CPNE8: variants seen among roughly 807,000 people sequenced by gnomAD.
CPNE8 encodes copine 8.
In CPNE8, 45 loss-of-function variants were observed where a neutral mutation model predicts 81.5. The observed-to-expected ratio is 0.55, with a 90% confidence interval of 0.44 to 0.71. The LOEUF (loss-of-function observed/expected upper bound fraction) is 0.71. Ranked by LOEUF, CPNE8 falls within the 30% of genes least tolerant of loss-of-function variation. The pLI is 0.00. For synonymous variants in CPNE8, 252 were observed against 226.3 expected (o/e 1.11, Z -1.02); for missense variants, 594 against 672.1 (o/e 0.88, Z 1.28).
In CPNE8 at chr12:38,736,213, GTA is replaced by G. The variant is rs1407858927; in HGVS notation, c.723-5857_723-5856del. On this transcript the variant is annotated intron_variant, in intron 10 of 19. Coordinates refer to ENST00000331366, the MANE Select transcript of CPNE8 (RefSeq NM_153634.3). ...AATAAGTTCTATTGCCCTGCTGGGT[GTA>G]TATATGTGTGTGTGTGTGTTGTGTG... 3.9e-4 allele frequency among the ~76,000 whole-genome samples: 41 copies of G among 104,208 alleles called. 1 individual carries two copies. Among genetic ancestry groups the G allele is most frequent in the Middle Eastern group, 5.4e-3 (1 of 184 alleles). 68.4% of individuals were successfully genotyped at this position (104,208 alleles called of 152,430 possible). A position where few individuals can be genotyped will look rare whatever the true frequency, so the allele number is the denominator to read the frequency against.
chr12:38,882,312 T>C (rs910820804), intron 1 of CPNE8, among the ~76,000 whole-genome samples: 2 of 151,970 alleles, frequency 1.3e-5, no homozygotes, highest in Non-Finnish European at 2.9e-5. Context: ...AGTGATGCAG[T>C]CACAAGCCAA....
intron 6 of CPNE8, among the ~76,000 whole-genome samples, chr12:38,822,664 C>G (rs1943125672): frequency 6.6e-6 from 1 of 152,110 alleles, no homozygotes; most frequent in Non-Finnish European, 1.5e-5. Context: ...TTGTAACACC[C>G]AGGTCTGACT....
intron 6 of CPNE8, among the ~76,000 whole-genome samples, chr12:38,776,785 C>T (rs1334895920): frequency 6.6e-6 from 1 of 152,046 alleles, no homozygotes; most frequent in African/African-American, 2.4e-5. Flanking sequence ...GGCCCCATAA[C>T]ATTATAATGG....
chr12:38,774,141 A>G (rs372512294), intron 7 of CPNE8, among the ~76,000 whole-genome samples: 11 of 152,106 alleles, frequency 7.2e-5, no homozygotes, highest in African/African-American at 2.4e-4. Flanking sequence ...CCAACAAGAG[A>G]GTAGAACTGA....
chr12:38,902,381 A>AAAAG lies in CPNE8; in HGVS notation c.98+3052_98+3055dup, dbSNP rs1435832986. ...GAAAGAAAGAAAGAAAGAAAGAAAG[A>AAAAG]AAAGAAAGAAAGAGAAAGAAAGAAA... On this transcript the variant is annotated intron_variant, in intron 1 of 19. Transcript: ENST00000331366. Among the ~76,000 whole-genome samples, 3 of 57,782 alleles carry AAAAG rather than the reference A, an allele frequency of 5.2e-5. 1 individual carries two copies. The Admixed American group carries it at 5.5e-4, about 11-fold the overall frequency. The allele number at this position is 57,782 out of a possible 152,430, so 37.9% of individuals were successfully genotyped here.
At chr12:38,885,639 T>G (rs1461925822) in intron 1 of CPNE8, among the ~76,000 whole-genome samples, 2 of 152,136 alleles carry the variant, frequency 1.3e-5, no homozygotes, top group Non-Finnish European at 2.9e-5. Context: ...TTTCAATCTT[T>G]TTTTTTTAAC....
chr12:38,892,986 T>A (rs1944335892), intron 1 of CPNE8, among the ~76,000 whole-genome samples: 1 of 151,576 alleles, frequency 6.6e-6, no homozygotes, highest in African/African-American at 2.4e-5. Flanking sequence ...GTGTTAGAAA[T>A]AATCTAACAT....
intron 6 of CPNE8, among the ~76,000 whole-genome samples, chr12:38,798,347 T>A (rs1253963157): frequency 2.0e-5 from 3 of 152,060 alleles, no homozygotes; most frequent in Non-Finnish European, 4.4e-5. Context: ...TAACAGCTGA[T>A]CTCTCCGCAG....
intron 6 of CPNE8, among the ~76,000 whole-genome samples, chr12:38,806,717 A>C (rs531891226): frequency 7.2e-6 from 1 of 139,602 alleles, no homozygotes. Flanking sequence ...CTCTCTCACC[A>C]CTCCTATTCA....
chr12:38,893,366 A>T (rs1272489000), intron 1 of CPNE8, among the ~76,000 whole-genome samples: 1 of 152,150 alleles, frequency 6.6e-6, no homozygotes, highest in Non-Finnish European at 1.5e-5. Flanking sequence ...GCCCACCAAA[A>T]CCAATATGAC....
chr12:38,768,046 T>C (rs1316114503), intron 7 of CPNE8, among the ~76,000 whole-genome samples: 4 of 152,040 alleles, frequency 2.6e-5, no homozygotes, highest in Non-Finnish European at 5.9e-5. Context: ...TCCTCATTCA[T>C]ATCTTCAGTT....
chr12:38,767,562 T>A, intron 8 of CPNE8, 73 bp downstream of exon 8: 1 of 918,176 alleles, frequency 1.1e-6, no homozygotes, highest in Non-Finnish European at 1.6e-6. Flanking sequence ...TTAATGAGCT[T>A]CTCTGAGAAA....
chr12:38,695,575 G>C (rs892083833), intron 14 of CPNE8, among the ~76,000 whole-genome samples: 2 of 152,108 alleles, frequency 1.3e-5, no homozygotes, highest in East Asian at 1.9e-4. Flanking sequence ...TTTGACACTT[G>C]CTTCTAAAGT....
intron 6 of CPNE8, among the ~76,000 whole-genome samples, chr12:38,805,405 G>C (rs1364070340): frequency 2.1e-5 from 1 of 47,222 alleles, no homozygotes; most frequent in African/African-American, 7.5e-5. Context: ...GTAAACTATC[G>C]CAAGAACAAA....
chr12:38,757,725 TAAA>T (rs1941489173), intron 10 of CPNE8, among the ~76,000 whole-genome samples: 1 of 152,060 alleles, frequency 6.6e-6, no homozygotes, highest in African/African-American at 2.4e-5. Flanking sequence ...TTTGGAATAA[TAAA>T]AGAGCACTTT....
At chr12:38,863,982 C>T (rs569430902) in intron 3 of CPNE8, among the ~76,000 whole-genome samples, 56 of 149,444 alleles carry the variant, frequency 3.7e-4, no homozygotes, top group African/African-American at 1.2e-3. Flanking sequence ...TGAATCCGGG[C>T]GATGGAGCTT....
chr12:38,753,995 C>A (rs1329044947), intron 10 of CPNE8, among the ~76,000 whole-genome samples: 12 of 152,104 alleles, frequency 7.9e-5, no homozygotes, highest in African/African-American at 2.9e-4. Context: ...AAGGCAGAAA[C>A]AAATAACTTC....
intron 18 of CPNE8, among the ~76,000 whole-genome samples, chr12:38,674,845 A>T (rs753665808): frequency 1.3e-5 from 2 of 152,212 alleles, no homozygotes; most frequent in Non-Finnish European, 2.9e-5. Context: ...TTAGCCACCT[A>T]TGTGCTTAAG....
intron 10 of CPNE8, among the ~76,000 whole-genome samples, chr12:38,749,946 G>C (rs532879188): frequency 6.6e-6 from 1 of 152,298 alleles, no homozygotes; most frequent in Non-Finnish European, 1.5e-5. Flanking sequence ...AATGTTTCCA[G>C]GGCATATCAG....
Sources: allele counts gnomAD v4.1 joint callset (sites outside exome capture counted in the v4.1 genomes callset), GRCh38; gene constraint gnomAD v4.1.1; transcripts MANE v1.5; gene names NCBI Gene and HGNC (gene_info 2026-07-23, HGNC 2026-07-21).